The following ALDH4A1 variants were observed in gnomAD, a reference collection of about 807,000 sequenced individuals.
ALDH4A1 encodes aldehyde dehydrogenase 4 family member A1.
ALDH4A1 carries 46 observed loss-of-function variants against 70.5 expected under a neutral mutation model. The observed-to-expected ratio is 0.65, with a 90% CI of 0.51 to 0.83. ALDH4A1 has a LOEUF of 0.83. Ranked by LOEUF, ALDH4A1 falls within the 40% of genes least tolerant of loss-of-function variation. The probability of loss-of-function intolerance (pLI) is 0.00; values close to 1 mark genes in which losing one functional copy is unlikely to be tolerated. For missense variants in ALDH4A1, 749 were observed against 766.5 expected (o/e 0.98, Z 0.27); for synonymous variants, 323 against 324.3 (o/e 1.00, Z 0.04).
At chr1:18,897,031 C>T (rs369780836) in intron 1 of ALDH4A1, 75 of 531,390 alleles carry the variant, frequency 1.4e-4, no homozygotes, top group African/African-American at 1.2e-3. Context: ...GATCATCTCA[C>T]TGAATCCACC....
chr1:18,881,904 T>G lies in ALDH4A1; in HGVS notation c.679-17A>C. 1 of 1,611,350 alleles carries G rather than the reference T, an allele frequency of 6.2e-7. No homozygotes were observed. Among genetic ancestry groups the G allele is most frequent in the Non-Finnish European group, 8.5e-7 (1 of 1,179,508 alleles). ...CACGTTGCCCTGCCCGGGAGGTGTT[T>G]CAGTGATGCATGAGGATGGCGCCAC... On this transcript the variant is annotated splice_polypyrimidine_tract_variant and intron_variant, in intron 7 of 14. Transcript: ENST00000375341.
rs111291014 is a variant in ALDH4A1 at position 18,876,435 on chromosome 1, G to A, written c.1218C>T (p.His406=). The A allele has an allele frequency of 9.2e-4, 1,477 of 1,604,670 alleles. 14 individuals are homozygous for A. In the African/African-American group the frequency reaches 0.016, roughly 17 times the overall value. ...TGGTGAGGCTGGGTGAGGAGCGTGC[G>A]TGCTCCAGCCACTTCTTGATACGGG... is the stretch of plus-strand genomic sequence containing the variant. The part of the protein sequence containing the change: ...SFARIKKWLE[H]ARSSPSLTIL... Residue 406 remains histidine, a synonymous_variant, in exon 12 of 15, where the codon CAC becomes CAT. Coordinates refer to ENST00000375341, the MANE Select transcript of ALDH4A1 (RefSeq NM_003748.4).
In ALDH4A1 at chr1:18,889,493, C is replaced by T. The variant is rs775334773; in HGVS notation, c.157-39G>A. On this transcript the variant is annotated intron_variant, in intron 2 of 14. Coordinates refer to ENST00000375341, the MANE Select transcript of ALDH4A1 (RefSeq NM_003748.4). ...CAAGAGTGGGTATGGTCACCGCCTT[C>T]CTCGCTTCCTCCCATCTAAAACCCT... The T allele has an allele frequency of 1.1e-5, 16 of 1,512,450 alleles. No individual in the cohort carries two copies. In the South Asian group the frequency reaches 1.6e-4, roughly 15 times the overall value. The allele number at this position is 1,512,450 out of a possible 1,614,324, so 93.7% of individuals were successfully genotyped here.
intron 3 of ALDH4A1, among the ~76,000 whole-genome samples, chr1:18,887,415 T>A (rs113399753): frequency 2.6e-5 from 4 of 152,166 alleles, no homozygotes; most frequent in Non-Finnish European, 5.9e-5. Context: ...CTGGCTAACA[T>A]GGTGAAACCC....
intron 9 of ALDH4A1, among the ~76,000 whole-genome samples, 194 bp from the exon 10 acceptor site, chr1:18,877,806 A>C (rs1384335339): frequency 1.3e-5 from 2 of 152,160 alleles, no homozygotes; most frequent in Non-Finnish European, 2.9e-5. Flanking sequence ...CTCCCACTCC[A>C]CAGATGAGGA....
In ALDH4A1 at chr1:18,880,391, C is replaced by T. The variant is rs1246537824; in HGVS notation, c.867-1018G>A. Among the ~76,000 whole-genome samples, 2 of 152,098 alleles carry T rather than the reference C, an allele frequency of 1.3e-5. No individual in the cohort carries two copies. The highest frequency in any genetic ancestry group is 4.8e-5 in the African/African-American group (2 of 41,408). On this transcript the variant is annotated intron_variant, in intron 8 of 14. Transcript: ENST00000375341. This position sits in a 1 kb window ranked among gnomAD's most constrained non-coding sequence, Gnocchi z 5.1. Reference sequence around the variant, plus strand: ...GCTGACAACCCCCCTCATCCCCACACGCACCCCAACCCCAACTCCAGGACA... The same window carrying T: ...GCTGACAACCCCCCTCATCCCCACATGCACCCCAACCCCAACTCCAGGACA...
chr1:18,883,958 G>A (rs779823513), intron 5 of ALDH4A1, among the ~76,000 whole-genome samples: 6 of 152,170 alleles, frequency 3.9e-5, no homozygotes, highest in African/African-American at 4.8e-5. Context: ...CCCTTAAACC[G>A]TCAATTCTTA....
At chr1:18,890,835 G>A (rs1384579080) in intron 1 of ALDH4A1, 2 of 985,376 alleles carry the variant, frequency 2.0e-6, no homozygotes, top group East Asian at 1.1e-4. Context: ...AGCTGAAAGG[G>A]CAGCACATTC....
chr1:18,888,718 C>T (rs1935320027), intron 3 of ALDH4A1, among the ~76,000 whole-genome samples: 1 of 152,096 alleles, frequency 6.6e-6, no homozygotes, highest in Non-Finnish European at 1.5e-5. Context: ...CATGCTTGGA[C>T]AGCTCCAGGT....
chr1:18,889,564 G>T, intron 2 of ALDH4A1, 110 bp from the exon 3 acceptor site: 1 of 998,564 alleles, frequency 1.0e-6, no homozygotes, highest in Non-Finnish European at 1.5e-6. Flanking sequence ...ACAGAAATGA[G>T]AAGGGGGCCA....
intron 3 of ALDH4A1, 50 bp downstream of exon 3, chr1:18,889,312 G>A (rs1935341138): frequency 1.4e-6 from 2 of 1,478,694 alleles, no homozygotes; most frequent in African/African-American, 1.4e-5. Flanking sequence ...CAGAGAAAGA[G>A]GTCACATATT....
chr1:18,902,507 G>T lies in ALDH4A1; in HGVS notation c.17C>A (p.Pro6His). Residue 6 changes from proline (P) to histidine (H), a missense_variant, in exon 1 of 15, where the codon CCC becomes CAC. By Grantham distance (77) the Pro-to-His change is moderately conservative. Transcript: ENST00000375341. ...GGACAGCAGGGCGCGGCGGAGCGCG[G>T]GCGCCGGCAGCAGCATCTCGGGTTA... The part of the protein sequence containing the change: MLLPA[P>H]ALRRALLSRP... 1 of 1,480,554 alleles carries T rather than the reference G, an allele frequency of 6.8e-7. No individual in the cohort carries two copies. Among genetic ancestry groups the T allele is most frequent in the Non-Finnish European group, 9.0e-7 (1 of 1,115,972 alleles). 91.7% of individuals were successfully genotyped at this position (1,480,554 alleles called of 1,614,324 possible).
chr1:18,900,328 C>T (rs539016612), intron 1 of ALDH4A1, among the ~76,000 whole-genome samples: 49 of 152,328 alleles, frequency 3.2e-4, no homozygotes, highest in African/African-American at 1.1e-3. Flanking sequence ...TGCCCTGCGA[C>T]TGTTTCTCCA....
chr1:18,883,178 C>T lies in ALDH4A1; in HGVS notation c.624G>A (p.Ser208=), dbSNP rs142063145. 23 of 1,613,174 alleles carry T rather than the reference C, an allele frequency of 1.4e-5. No homozygotes were observed. In the African/African-American group the frequency reaches 1.7e-4, roughly 12 times the overall value. ...CGCCGATTGCAGTGAAGTTAAAGGG[C>T]GAGATGGCCGCCACGAAGCCCTGGG... ...RGLEGFVAAI[S]PFNFTAIGGN... The change falls in exon 7 of 15, where the codon TCG becomes TCA. Residue 208 remains serine (S), a synonymous_variant. Coordinates refer to ENST00000375341, the MANE Select transcript of ALDH4A1 (RefSeq NM_003748.4).
At chr1:18,894,663 C>A (rs1230810889) in intron 1 of ALDH4A1, among the ~76,000 whole-genome samples, 1 of 152,204 alleles carries the variant, frequency 6.6e-6, no homozygotes, top group African/African-American at 2.4e-5. Flanking sequence ...GGCCCAGATG[C>A]CCACTGTGAC....
chr1:18,876,274 G>A (rs1407856495), intron 12 of ALDH4A1, 41 bp downstream of exon 12: 2 of 1,609,000 alleles, frequency 1.2e-6, no homozygotes, highest in East Asian at 4.5e-5. Flanking sequence ...GCTCCGGTGG[G>A]ATTGTCCTCC....
At chr1:18,879,802 C>T (rs1454914494) in intron 8 of ALDH4A1, among the ~76,000 whole-genome samples, 1 of 152,100 alleles carries the variant, frequency 6.6e-6, no homozygotes, top group African/African-American at 2.4e-5. Context: ...GCGAAGGATC[C>T]CCCCCAAGCC....
At chr1:18,881,932 GC>G in intron 7 of ALDH4A1, 45 bp from the exon 8 acceptor site, 1 of 1,563,306 alleles carries the variant, frequency 6.4e-7, no homozygotes. Flanking sequence ...GGCGCCACCA[GC>G]CCCCAACCCC....
At chr1:18,886,625 C>T (rs1195773058) in intron 3 of ALDH4A1, 114 bp from the exon 4 acceptor site, 8 of 1,134,262 alleles carry the variant, frequency 7.1e-6, no homozygotes, top group African/African-American at 1.5e-5. Flanking sequence ...GCCTGCTGTC[C>T]CCCCTCCCCC....
Sources: gnomAD v4.1 joint callset for allele counts (sites outside exome capture counted in the v4.1 genomes callset) on GRCh38, gnomAD v4.1.1 for gene constraint, Gnocchi (gnomAD v3.1) non-coding constraint, MANE v1.5 for transcripts, NCBI Gene and HGNC (gene_info 2026-07-23, HGNC 2026-07-21) for gene names.